Variants in PCDHA1 observed in about 807,000 individuals in gnomAD.
The protein encoded by PCDHA1 is protocadherin alpha 1.
In PCDHA1, 42 loss-of-function variants were observed where a neutral mutation model predicts 61.3. The observed-to-expected ratio is 0.69, with a 90% CI of 0.54 to 0.89. The LOEUF (loss-of-function observed/expected upper bound fraction) is 0.89, where lower values mean the gene tolerates loss of function less well. Among genes scored for constraint, PCDHA1 ranks in the 40% least tolerant of loss-of-function variants. PCDHA1 has a pLI of 0.00. For missense variants in PCDHA1, 1,256 were observed against 1,235.3 expected, an observed-to-expected ratio of 1.02 and a Z score of -0.25; for synonymous variants, 610 against 553.8, an observed-to-expected ratio of 1.10 and a Z score of -1.43.
rs2150483646 is a variant in PCDHA1 at position 140,850,423 on chromosome 5, C to G, written c.2394+61739C>G. ...CGTGCCCTGGACGAAACGGACGCAC[C>G]GCGCCAGCGCCTACTGGTGCTGGTG... is the stretch of plus-strand genomic sequence containing the variant. On this transcript the variant is annotated intron_variant, in intron 1 of 3. Transcript: ENST00000504120. 10 of 1,597,882 alleles carry G rather than the reference C, an allele frequency of 6.3e-6. 2 individuals are homozygous for G. Among genetic ancestry groups the G allele is most frequent in the Non-Finnish European group, 7.7e-6 (9 of 1,167,708 alleles).
At chr5:140,898,235 T>G (rs1386232934) in intron 1 of PCDHA1, among the ~76,000 whole-genome samples, 1 of 152,220 alleles carries the variant, frequency 6.6e-6, no homozygotes, top group Non-Finnish European at 1.5e-5. Flanking sequence ...TGCCATTGCT[T>G]TTGGTGTTTT....
intron 1 of PCDHA1, chr5:140,805,338 C>A (rs1554123338): frequency 2.4e-6 from 3 of 1,225,176 alleles, no homozygotes; most frequent in East Asian, 3.9e-5. Flanking sequence ...TGTCAATGAT[C>A]ATTTTGTAAA....
intron 1 of PCDHA1, chr5:140,927,441 G>A: frequency 5.0e-6 from 8 of 1,614,130 alleles, no homozygotes; most frequent in Non-Finnish European, 4.2e-6. Context: ...GCGAATACCC[G>A]GAGTTGGTGT....
intron 1 of PCDHA1, chr5:140,884,638 G>C: frequency 6.2e-7 from 1 of 1,610,712 alleles, no homozygotes; most frequent in South Asian, 1.1e-5. Context: ...GCCAGAGGGA[G>C]GAGGACTCAG....
At chr5:140,883,626 C>T (rs782798960) in intron 1 of PCDHA1, 3 of 1,613,850 alleles carry the variant, frequency 1.9e-6, no homozygotes, top group Non-Finnish European at 2.5e-6. Flanking sequence ...GACAACGCGC[C>T]GGCGTTCGCG....
intron 1 of PCDHA1, among the ~76,000 whole-genome samples, chr5:140,961,366 C>T (rs1384222732): frequency 6.6e-6 from 1 of 152,144 alleles, no homozygotes; most frequent in Non-Finnish European, 1.5e-5. Context: ...CATTAGAATT[C>T]TCCTTCTAGT....
intron 1 of PCDHA1, among the ~76,000 whole-genome samples, chr5:140,907,882 G>T (rs895415928): frequency 6.6e-6 from 1 of 152,168 alleles, no homozygotes; most frequent in Non-Finnish European, 1.5e-5. Context: ...GCACTCACAT[G>T]GGATACAAAT....
chr5:140,808,809 G>A, intron 1 of PCDHA1: 1 of 1,612,748 alleles, frequency 6.2e-7, no homozygotes, highest in Non-Finnish European at 8.5e-7. Flanking sequence ...CGCGATGCCG[G>A]CGTGCCACCT....
chr5:140,900,271 G>A (rs1055315411), intron 1 of PCDHA1, among the ~76,000 whole-genome samples: 2 of 151,762 alleles, frequency 1.3e-5, no homozygotes, highest in Non-Finnish European at 2.9e-5. Flanking sequence ...TTGTGTATAT[G>A]TACCACACTT....
At chr5:140,861,470 G>A (rs1554154806) in intron 1 of PCDHA1, 1 of 492,724 alleles carries the variant, frequency 2.0e-6, no homozygotes, top group Non-Finnish European at 4.2e-6. Context: ...TAAATCTGCA[G>A]AATGGCATTT....
chr5:140,904,714 C>T (rs1306730472), intron 1 of PCDHA1, among the ~76,000 whole-genome samples: 1 of 152,110 alleles, frequency 6.6e-6, no homozygotes, highest in African/African-American at 2.4e-5. Flanking sequence ...TCACCACATT[C>T]TGGCCAACAT....
At chr5:140,961,214 A>C (rs1406613180) in intron 1 of PCDHA1, among the ~76,000 whole-genome samples, 4 of 152,288 alleles carry the variant, frequency 2.6e-5, no homozygotes, top group East Asian at 3.9e-4. Context: ...ATTGATGAAG[A>C]AACTGGGTCC....
intron 1 of PCDHA1, chr5:140,796,602 C>T (rs555712743): frequency 1.2e-5 from 19 of 1,612,798 alleles, no homozygotes; most frequent in Non-Finnish European, 1.4e-5. Context: ...CGCCTCTGGG[C>T]AGCAACGTGA....
At chr5:140,814,502 A>G (rs1765530866) in intron 1 of PCDHA1, 1 of 152,008 alleles carries the variant, frequency 6.6e-6, no homozygotes, top group African/African-American at 2.4e-5. Flanking sequence ...GTACACTGTA[A>G]AATACCACTA....
At chr5:140,850,070 C>T (rs2041326470) in intron 1 of PCDHA1, 3 of 1,596,448 alleles carry the variant, frequency 1.9e-6, no homozygotes, top group Admixed American at 1.7e-5. Context: ...CGTTGGACCA[C>T]GAGGAGCTGG....
intron 1 of PCDHA1, chr5:140,812,974 T>C (rs1202280852): frequency 6.6e-6 from 1 of 152,262 alleles, no homozygotes; most frequent in Admixed American, 6.5e-5. Flanking sequence ...TATTGATTTC[T>C]AGTTTTATTC....
rs1484271840 is a variant in PCDHA1 at position 140,900,260 on chromosome 5, A to G, written c.2395-78689A>G. Among the ~76,000 whole-genome samples the G allele has an allele frequency of 4.0e-5, 6 of 151,898 alleles. No homozygotes were observed. In the South Asian group the frequency reaches 1.0e-3, roughly 26 times the overall value. ...TTTTTTTATGGCTGAATAGTACTCC[A>G]TTGTGTATATGTACCACACTTTCTT... On this transcript the variant is annotated intron_variant, in intron 1 of 3. Coordinates refer to ENST00000504120, the MANE Select transcript of PCDHA1 (RefSeq NM_018900.4).
chr5:140,796,136 C>T (rs566698414), intron 1 of PCDHA1: 1 of 1,614,220 alleles, frequency 6.2e-7, no homozygotes, highest in Non-Finnish European at 8.5e-7. Flanking sequence ...TCCCTGACGC[C>T]CCACGTCCCT....
chr5:140,883,401 A>C, intron 1 of PCDHA1: 2 of 1,614,108 alleles, frequency 1.2e-6, no homozygotes, highest in Non-Finnish European at 1.7e-6. Flanking sequence ...TCCGATCGTG[A>C]CTCTGGCTCA....
Sources: allele counts gnomAD v4.1 joint callset (sites outside exome capture counted in the v4.1 genomes callset), GRCh38; gene constraint gnomAD v4.1.1; transcripts MANE v1.5; gene names NCBI Gene and HGNC (gene_info 2026-07-23, HGNC 2026-07-21).